The following PTK2B variants were observed in gnomAD, a reference collection of about 807,000 sequenced individuals.
PTK2B encodes protein-tyrosine kinase 2-beta.
PTK2B carries 71 observed loss-of-function variants against 142.9 expected under a neutral mutation model. The observed-to-expected ratio is 0.50, with a 90% CI of 0.41 to 0.61. PTK2B has a LOEUF of 0.61. Ranked by LOEUF, PTK2B falls within the 20% of genes least tolerant of loss-of-function variation. The probability of loss-of-function intolerance (pLI) is 0.00; values close to 1 mark genes in which losing one functional copy is unlikely to be tolerated. For synonymous variants in PTK2B, 519 were observed against 503.4 expected, an observed-to-expected ratio of 1.03 and a Z score of -0.42; for missense variants, 1,105 against 1,320.4, an observed-to-expected ratio of 0.84 and a Z score of 2.53.
chr8:27,451,550 A>C, intron 27 of PTK2B, 41 bp downstream of exon 27: 1 of 1,613,432 alleles, frequency 6.2e-7, no homozygotes, highest in African/African-American at 1.3e-5. Flanking sequence ...TCCTCTTGGC[A>C]CCTTGTGCAG....
chr8:27,336,298 A>G (rs551491407), intron 1 of PTK2B, among the ~76,000 whole-genome samples: 3 of 152,350 alleles, frequency 2.0e-5, no homozygotes, highest in Non-Finnish European at 2.9e-5. Context: ...AACATCTCTC[A>G]TAAGATATTA....
At chr8:27,311,267 T>G, upstream of PTK2B, 4 of 1,470,368 alleles carry the variant, frequency 2.7e-6, no homozygotes, top group Non-Finnish European at 3.6e-6. Context: ...CGCCCGGAAC[T>G]TTTGCTCCGG....
chr8:27,316,449 A>G (rs1475347616), intron 3 of PTK2B, among the ~76,000 whole-genome samples: 2 of 152,254 alleles, frequency 1.3e-5, no homozygotes, highest in African/African-American at 4.8e-5. Flanking sequence ...ACAGGATGGA[A>G]GAAGATATAC....
In PTK2B at chr8:27,459,345, T is replaced by C. The variant is rs547807333; in HGVS notation, c.*836T>C. On this transcript the variant is annotated 3_prime_UTR_variant, in exon 31 of 31. Transcript: ENST00000346049. The stretch of plus-strand genomic sequence containing the variant: ...TTTGCATAAACATTCTTTTAACTTC[T>C]TTCTATTTGACTTGTGGTTGAATTA... The C allele has an allele frequency of 4.3e-6, 1 of 233,306 alleles. No homozygotes were observed. The highest frequency in any genetic ancestry group is 1.8e-4 in the South Asian group (1 of 5,530). The allele number at this position is 233,306 out of a possible 1,614,324, so 14.5% of individuals were successfully genotyped here.
In PTK2B at chr8:27,435,589, T is replaced by C. The variant is rs187426560; in HGVS notation, c.1193-154T>C. ...AAGGTGCCCTGGGCTCTGTGGCCAC[T>C]CTAAAACCTGGGCTGGGAGCCCGGG... On this transcript the variant is annotated intron_variant, in intron 13 of 30. Transcript: ENST00000346049. 7.2e-5 allele frequency among the ~76,000 whole-genome samples: 11 copies of C among 152,284 alleles called. 1 individual carries two copies. The East Asian group carries it at 1.4e-3, about 19-fold the overall frequency.
chr8:27,447,189 G>C (rs1355662703), intron 24 of PTK2B, among the ~76,000 whole-genome samples: 2 of 152,152 alleles, frequency 1.3e-5, no homozygotes, highest in Admixed American at 1.3e-4. Flanking sequence ...AAGAGATTGT[G>C]CAGTAGGAAA....
At chr8:27,310,897 G>A, upstream of PTK2B, 1 of 1,612,850 alleles carries the variant, frequency 6.2e-7, no homozygotes, top group South Asian at 1.1e-5. Flanking sequence ...CCTTGTCCTC[G>A]AGGCAGAAGA....
rs147491169 is a variant in PTK2B, at chr8:27,410,103, C to A, written c.205-9792C>A. ...TAGTCATCTTACTAAAACAAACAAA[C>A]AAAAAAGAATACTTTGAAAAGAGTA... On this transcript the variant is annotated intron_variant, in intron 2 of 30. Coordinates refer to ENST00000346049, the MANE Select transcript of PTK2B (RefSeq NM_173176.3). Among the ~76,000 whole-genome samples, 559 of 152,130 alleles carry A rather than the reference C, an allele frequency of 3.7e-3. 3 individuals carry two copies. The highest frequency in any genetic ancestry group is 0.012 in the African/African-American group (512 of 41,502).
At chr8:27,448,293 G>A (rs1047426298) in intron 24 of PTK2B, among the ~76,000 whole-genome samples, 3 of 152,216 alleles carry the variant, frequency 2.0e-5, no homozygotes, top group Non-Finnish European at 2.9e-5. Context: ...GCCAGATTAT[G>A]GAAGGTGTCA....
intron 26 of PTK2B, 85 bp downstream of exon 26, chr8:27,451,163 C>A: frequency 6.7e-7 from 1 of 1,486,390 alleles, no homozygotes; most frequent in South Asian, 1.1e-5. Context: ...CAACTTGCTC[C>A]TACCCCCAGG....
intron 1 of PTK2B, among the ~76,000 whole-genome samples, chr8:27,372,288 T>G (rs561592547): frequency 1.3e-5 from 2 of 152,276 alleles, no homozygotes; most frequent in Admixed American, 6.5e-5. Flanking sequence ...ATAAAGAGAT[T>G]TATTATAAGG....
At chr8:27,405,637 CACAGACACCT>C (rs1324006920) in intron 2 of PTK2B, among the ~76,000 whole-genome samples, 1 of 152,236 alleles carries the variant, frequency 6.6e-6, no homozygotes, top group Non-Finnish European at 1.5e-5. Flanking sequence ...CCCGCCCCCA[CACAGACACCT>C]ACAGAGGCCA....
At chr8:27,443,032 G>A in intron 22 of PTK2B, 49 bp downstream of exon 22, 1 of 1,459,850 alleles carries the variant, frequency 6.9e-7, no homozygotes, top group South Asian at 1.1e-5. Context: ...AGCAAAGCCA[G>A]GTCCCTGTCT....
In PTK2B at chr8:27,434,081, C is replaced by T. The variant is rs1347301280; in HGVS notation, c.1106-12C>T. On this transcript the variant is annotated splice_polypyrimidine_tract_variant and intron_variant, in intron 11 of 30. Coordinates refer to ENST00000346049, the MANE Select transcript of PTK2B (RefSeq NM_173176.3). ...CCCAGCTCCAACCTCCTCCTTCCTC[C>T]TCTCTTCCTAGATGGTGAGAAGCGG... 1 of 1,613,910 alleles carries T rather than the reference C, an allele frequency of 6.2e-7. No individual in the cohort carries two copies. The highest frequency in any genetic ancestry group is 1.3e-5 in the African/African-American group (1 of 74,918).
At chr8:27,390,264 A>C (rs1259221318) in intron 1 of PTK2B, among the ~76,000 whole-genome samples, 1 of 152,198 alleles carries the variant, frequency 6.6e-6, no homozygotes, top group East Asian at 1.9e-4. Flanking sequence ...GCCTCAGTGC[A>C]CGGAGCACTG....
At chr8:27,440,555 A>G (rs1811097571) in intron 21 of PTK2B, 114 bp downstream of exon 21, 1 of 1,285,024 alleles carries the variant, frequency 7.8e-7, no homozygotes, top group African/African-American at 1.5e-5. Context: ...GGCCAGGGTC[A>G]AGGACAGGAG....
At chr8:27,440,213 G>A (rs1811072222) in intron 20 of PTK2B, 24 bp from the exon 21 acceptor site, 2 of 1,612,392 alleles carry the variant, frequency 1.2e-6, no homozygotes, top group Admixed American at 1.7e-5. Context: ...CCCACCCAGG[G>A]CCTGACGCTC....
chr8:27,421,994 T>C (rs1188857492), intron 4 of PTK2B, among the ~76,000 whole-genome samples: 2 of 152,258 alleles, frequency 1.3e-5, no homozygotes, highest in African/African-American at 4.8e-5. Context: ...GATAAATTAC[T>C]GACTTCTTGC....
chr8:27,323,548 T>G (rs1316370), upstream of PTK2B: 2 of 152,022 alleles, frequency 1.3e-5, no homozygotes, highest in Admixed American at 1.3e-4. Context: ...TTATTGCAAC[T>G]TATGCCATAT....
Sources: gnomAD v4.1 joint callset for allele counts (sites outside exome capture counted in the v4.1 genomes callset) on GRCh38, gnomAD v4.1.1 for gene constraint, MANE v1.5 for transcripts, NCBI Gene and HGNC (gene_info 2026-07-23, HGNC 2026-07-21) for gene names.